PSMB7: variants seen among roughly 807,000 people sequenced by gnomAD.
The protein encoded by PSMB7 is proteasome subunit beta type-7.
PSMB7 carries 5 observed loss-of-function variants against 28.1 expected under a neutral mutation model. That is an observed-to-expected ratio of 0.18 (90% CI 0.09 to 0.37). The LOEUF (loss-of-function observed/expected upper bound fraction) is 0.37, where lower values mean the gene tolerates loss of function less well. PSMB7 is among the 10% of genes least tolerant of loss of function. The probability of loss-of-function intolerance (pLI) is 1.00; values close to 1 mark genes in which losing one functional copy is unlikely to be tolerated. For missense variants in PSMB7, 275 were observed against 346.2 expected (o/e 0.79, Z 1.63); for synonymous variants, 122 against 123.7 (o/e 0.99, Z 0.09).
Position 124,415,237 on chromosome 9 carries a change from T to G in PSMB7, c.62+127A>C. On this transcript the variant is annotated intron_variant, in intron 1 of 7. Transcript: ENST00000259457. ...AGGCCCTGATTCCCCTGAGTCACAC[T>G]AGCCGCGGGCCACAGGCCCCGCCAT... is the stretch of plus-strand genomic sequence containing the variant. The G allele has an allele frequency of 2.8e-6, 3 of 1,074,774 alleles. No individual in the cohort carries two copies. In the South Asian group the frequency reaches 4.2e-5, roughly 15 times the overall value. The allele number at this position is 1,074,774 out of a possible 1,614,324, so 66.6% of individuals were successfully genotyped here. A position where few individuals can be genotyped will look rare whatever the true frequency, so the allele number is the denominator to read the frequency against.
chr9:124,376,728 A>C (rs1021325344), intron 6 of PSMB7, among the ~76,000 whole-genome samples: 2 of 152,238 alleles, frequency 1.3e-5, no homozygotes, highest in Non-Finnish European at 2.9e-5. Context: ...CCCTGTTGTG[A>C]AAGAATGACA....
At chr9:124,377,721 C>T (rs1261799985) in intron 6 of PSMB7, among the ~76,000 whole-genome samples, 1 of 152,184 alleles carries the variant, frequency 6.6e-6, no homozygotes, top group African/African-American at 2.4e-5. Flanking sequence ...CAACACTTGC[C>T]GAGTGATGAG....
At chr9:124,406,439 T>C (rs1003200315) in intron 4 of PSMB7, among the ~76,000 whole-genome samples, 6 of 149,666 alleles carry the variant, frequency 4.0e-5, no homozygotes, top group Admixed American at 3.3e-4. Flanking sequence ...GAGGCAGAGG[T>C]TGCAGTGAGC....
At chr9:124,415,340 A>C (rs777092872) in intron 1 of PSMB7, 24 bp downstream of exon 1, 68 of 1,612,390 alleles carry the variant, frequency 4.2e-5, no homozygotes, top group Non-Finnish European at 6.8e-6. Flanking sequence ...CCCTCCCTGA[A>C]CCAAGCCCCA....
intron 5 of PSMB7, among the ~76,000 whole-genome samples, chr9:124,400,962 G>A (rs1387395756): frequency 6.6e-6 from 1 of 152,092 alleles, no homozygotes. Context: ...AATTCTATAG[G>A]CCCACGTAAG....
rs554418062 is a variant in PSMB7, at chr9:124,381,080, G to A, written c.570+3518C>T. 9.6e-4 allele frequency among the ~76,000 whole-genome samples: 146 copies of A among 152,348 alleles called. 4 individuals are homozygous for A. In the South Asian group the frequency reaches 0.029, roughly 31 times the overall value. On this transcript the variant is annotated intron_variant, in intron 6 of 7. Coordinates refer to ENST00000259457, the MANE Select transcript of PSMB7 (RefSeq NM_002799.4). Reference sequence around the variant, plus strand: ...TTGTATTAAGTCTCTGAAACCTGGTGTGCGTTTTCCACTTACAGACCCTCT... The same window carrying A: ...TTGTATTAAGTCTCTGAAACCTGGTATGCGTTTTCCACTTACAGACCCTCT...
At chr9:124,355,310 G>A (rs1376001598) in intron 7 of PSMB7, among the ~76,000 whole-genome samples, 2 of 152,226 alleles carry the variant, frequency 1.3e-5, no homozygotes, top group African/African-American at 4.8e-5. Context: ...GGTGTTTAGA[G>A]CCTCTGTTTA....
chr9:124,402,928 A>C (rs1407938353), intron 5 of PSMB7, among the ~76,000 whole-genome samples: 1 of 152,222 alleles, frequency 6.6e-6, no homozygotes, highest in Non-Finnish European at 1.5e-5. Flanking sequence ...ATTCTCCCCA[A>C]CAAACAGTGA....
At chr9:124,389,568 C>T (rs1041140431) in intron 5 of PSMB7, among the ~76,000 whole-genome samples, 2 of 152,148 alleles carry the variant, frequency 1.3e-5, no homozygotes, top group African/African-American at 4.8e-5. Context: ...GTTCAACACC[C>T]GCCACCCCAA....
rs1324697179 is a variant in PSMB7, at chr9:124,364,734, A to C, written c.571-7819T>G. 2.0e-5 allele frequency among the ~76,000 whole-genome samples: 3 copies of C among 152,220 alleles called. No individual in the cohort carries two copies. In the East Asian group the frequency reaches 5.8e-4, roughly 29 times the overall value. On this transcript the variant is annotated intron_variant, in intron 6 of 7. Transcript: ENST00000259457. ...TATCACCTGAAAACACAGAGAAATGAAGTGAATCTGTTTCATGGGTCACAA... is the reference window on the plus strand; with the variant it reads ...TATCACCTGAAAACACAGAGAAATGCAGTGAATCTGTTTCATGGGTCACAA...
At chr9:124,392,127 G>A (rs1222754503) in intron 5 of PSMB7, among the ~76,000 whole-genome samples, 1 of 152,232 alleles carries the variant, frequency 6.6e-6, no homozygotes. Flanking sequence ...AGGAAATTGA[G>A]ACTCAACTGG....
chr9:124,360,256 ACAC>A (rs1830453201), intron 6 of PSMB7, among the ~76,000 whole-genome samples: 2 of 152,368 alleles, frequency 1.3e-5, no homozygotes, highest in Admixed American at 6.5e-5. Flanking sequence ...GGTGGGGAAA[ACAC>A]CACATTTGTA....
rs575155334 is a variant in PSMB7, at chr9:124,382,353, G to A, written c.570+2245C>T. Among the ~76,000 whole-genome samples, 11 of 150,650 alleles carry A rather than the reference G, an allele frequency of 7.3e-5. No individual in the cohort carries two copies. The South Asian group carries it at 8.5e-4, about 12-fold the overall frequency. ...CTCCCGAGTAGCTGGGATTACAGGC[G>A]CCCGGTACCACGTCCGGCTAATTTT... On this transcript the variant is annotated intron_variant, in intron 6 of 7. Coordinates refer to ENST00000259457, the MANE Select transcript of PSMB7 (RefSeq NM_002799.4).
chr9:124,372,115 C>G (rs1283138150), intron 6 of PSMB7, among the ~76,000 whole-genome samples: 2 of 152,220 alleles, frequency 1.3e-5, no homozygotes, highest in African/African-American at 4.8e-5. Flanking sequence ...TACCTATCAA[C>G]TACAATAGAA....
At chr9:124,404,809 T>C (rs774426622) in intron 5 of PSMB7, among the ~76,000 whole-genome samples, 1 of 152,026 alleles carries the variant, frequency 6.6e-6, no homozygotes, top group Non-Finnish European at 1.5e-5. Flanking sequence ...GCCGAGATCA[T>C]GCCACTGCAC....
At position 124,356,208 on chromosome 9, in the gene PSMB7, C is replaced by G. The variant is rs1830403954; in HGVS notation, c.722+556G>C. Among the ~76,000 whole-genome samples the G allele has an allele frequency of 6.6e-6, 1 of 152,192 alleles. No homozygotes were observed. The highest frequency in any genetic ancestry group is 2.4e-5 in the African/African-American group (1 of 41,434). ...AACCTCCCAGTTCTGCTCAGCAAAT[C>G]AACTAGAACCTTCTCCCACTGCTCT... On this transcript the variant is annotated intron_variant, in intron 7 of 7. Coordinates refer to ENST00000259457, the MANE Select transcript of PSMB7 (RefSeq NM_002799.4). This position sits in a 1 kb window ranked among gnomAD's most constrained non-coding sequence, Gnocchi z 4.4.
intron 3 of PSMB7, 91 bp from the exon 4 acceptor site, chr9:124,412,583 C>T: frequency 7.3e-7 from 1 of 1,366,546 alleles, no homozygotes; most frequent in Non-Finnish European, 1.0e-6. Flanking sequence ...CCATGAAGTT[C>T]AGGTACAGAG....
intron 6 of PSMB7, among the ~76,000 whole-genome samples, chr9:124,381,749 C>A (rs922745520): frequency 6.6e-6 from 1 of 152,250 alleles, no homozygotes; most frequent in Non-Finnish European, 1.5e-5. Context: ...CCTCTCAACT[C>A]TGCTAGGCAG....
At position 124,390,740 on chromosome 9, in the gene PSMB7, T is replaced by C. The variant is rs965973520; in HGVS notation, c.512-6084A>G. Among the ~76,000 whole-genome samples, 28 of 152,296 alleles carry C rather than the reference T, an allele frequency of 1.8e-4. 4 individuals carry two copies. The highest frequency in any genetic ancestry group is 1.0e-3 in the Admixed American group (16 of 15,286). ...TTCAAAGTGCAGGCATTAATAGCAA[T>C]TTTTTAAGGTATAAAAAATTGAAGA... On this transcript the variant is annotated intron_variant, in intron 5 of 7. Transcript: ENST00000259457.
Sources: allele counts gnomAD v4.1 joint callset (sites outside exome capture counted in the v4.1 genomes callset), GRCh38; gene constraint gnomAD v4.1.1; non-coding constraint Gnocchi (gnomAD v3.1); transcripts MANE v1.5; gene names NCBI Gene and HGNC (gene_info 2026-07-23, HGNC 2026-07-21).